The following RYR2 variants were observed in gnomAD, a reference collection of about 807,000 sequenced individuals.
RYR2 encodes cardiac muscle ryanodine receptor-calcium release channel.
RYR2 carries 227 observed loss-of-function variants against 601.1 expected under a neutral mutation model. That is an observed-to-expected ratio of 0.38 (90% CI 0.34 to 0.42). The LOEUF (loss-of-function observed/expected upper bound fraction) is 0.42, where lower values mean the gene tolerates loss of function less well. Ranked by LOEUF, RYR2 falls within the 10% of genes least tolerant of loss-of-function variation. The probability of loss-of-function intolerance (pLI) is 1.00; values close to 1 mark genes in which losing one functional copy is unlikely to be tolerated. For synonymous variants in RYR2, 2,223 were observed against 2,175.1 expected (o/e 1.02, Z -0.61); for missense variants, 4,646 against 6,156.5 (o/e 0.75, Z 8.21).
Position 237,778,397 on chromosome 1 carries a change from C to CAA in RYR2, c.11776-258_11776-257dup, listed in dbSNP as rs5781993. Among the ~76,000 whole-genome samples the CAA allele has an allele frequency of 0.14, 20,794 of 145,712 alleles. 1,723 individuals are homozygous for CAA. The highest frequency in any genetic ancestry group is 0.23 in the African/African-American group (8,984 of 39,784). On this transcript the variant is annotated intron_variant, in intron 87 of 104. Coordinates refer to ENST00000366574, the MANE Select transcript of RYR2 (RefSeq NM_001035.3). The stretch of plus-strand genomic sequence containing the variant: ...TAAATAGAGGAGATCAAAGCCAGAC[C>CAA]AAAAAAAAAAAATGATTCACAGAAT...
At chr1:237,797,615 G>A (rs1659412437) in intron 96 of RYR2, among the ~76,000 whole-genome samples, 1 of 152,208 alleles carries the variant, frequency 6.6e-6, no homozygotes. Context: ...ATTACATGAA[G>A]TTTTCTAAGG....
chr1:237,239,768 T>G (rs1324238819), intron 1 of RYR2, among the ~76,000 whole-genome samples: 2 of 152,234 alleles, frequency 1.3e-5, no homozygotes, highest in Non-Finnish European at 2.9e-5. Flanking sequence ...TGTATCACTT[T>G]GATTATCATA....
chr1:237,540,026 G>A lies in RYR2; in HGVS notation c.2907-8405G>A, dbSNP rs569698830. Reference sequence around the variant, plus strand: ...CGTTGTAGTTTTTTTCTTTCCTCCTGTGCCTCTTTTTCTCCTTCCTCTCAA... The same window carrying A: ...CGTTGTAGTTTTTTTCTTTCCTCCTATGCCTCTTTTTCTCCTTCCTCTCAA... On this transcript the variant is annotated intron_variant, in intron 25 of 104. Coordinates refer to ENST00000366574, the MANE Select transcript of RYR2 (RefSeq NM_001035.3). 2.0e-4 allele frequency among the ~76,000 whole-genome samples: 30 copies of A among 150,538 alleles called. 1 individual carries two copies. Among genetic ancestry groups the A allele is most frequent in the African/African-American group, 6.8e-4 (28 of 41,154 alleles).
At chr1:237,755,454 T>C (rs1692871358) in intron 80 of RYR2, among the ~76,000 whole-genome samples, 1 of 152,228 alleles carries the variant, frequency 6.6e-6, no homozygotes, top group African/African-American at 2.4e-5. Context: ...CGCCATTTGA[T>C]GGACTCACTG....
intron 58 of RYR2, among the ~76,000 whole-genome samples, chr1:237,669,106 T>C (rs937712987): frequency 4.8e-5 from 7 of 146,080 alleles, no homozygotes; most frequent in Non-Finnish European, 9.2e-5. Context: ...TTCAAGCATC[T>C]GTTTAACAAA....
intron 27 of RYR2, among the ~76,000 whole-genome samples, chr1:237,563,398 C>G (rs1277686074): frequency 1.0e-5 from 1 of 98,178 alleles, no homozygotes; most frequent in Non-Finnish European, 2.1e-5. Context: ...GCAACAAGAG[C>G]AAAACTCCAT....
intron 9 of RYR2, among the ~76,000 whole-genome samples, chr1:237,387,810 G>C (rs1702061935): frequency 6.6e-6 from 1 of 152,162 alleles, no homozygotes; most frequent in Admixed American, 6.5e-5. Context: ...ACTTACATAG[G>C]TTCACATTTG....
chr1:237,810,121 G>A (rs1185181669), intron 100 of RYR2, among the ~76,000 whole-genome samples: 1 of 151,926 alleles, frequency 6.6e-6, no homozygotes, highest in African/African-American at 2.4e-5. Flanking sequence ...AACGGTCTGA[G>A]TATGACATAA....
At chr1:237,182,247 G>A (rs1678853300) in intron 1 of RYR2, among the ~76,000 whole-genome samples, 1 of 152,010 alleles carries the variant, frequency 6.6e-6, no homozygotes, top group Admixed American at 6.6e-5. Flanking sequence ...TCAGCCTCCT[G>A]AGTAGCTGGG....
At chr1:237,319,920 C>T (rs1340351366) in intron 2 of RYR2, among the ~76,000 whole-genome samples, 1 of 152,168 alleles carries the variant, frequency 6.6e-6, no homozygotes, top group East Asian at 1.9e-4. Flanking sequence ...GTGTGCATGG[C>T]ATCTGCTCCA....
intron 24 of RYR2, among the ~76,000 whole-genome samples, chr1:237,516,127 G>C (rs1333422802): frequency 1.3e-5 from 2 of 150,844 alleles, no homozygotes; most frequent in African/African-American, 4.9e-5. Flanking sequence ...TTATTTGTTT[G>C]TTTGAAGGAG....
At chr1:237,505,458 C>T (rs186928284) in intron 22 of RYR2, among the ~76,000 whole-genome samples, 2 of 152,296 alleles carry the variant, frequency 1.3e-5, no homozygotes, top group South Asian at 2.1e-4. Flanking sequence ...ATTTTTAGCT[C>T]CTCAAATCGT....
At chr1:237,276,341 C>T (rs541041664) in intron 2 of RYR2, among the ~76,000 whole-genome samples, 108 of 152,280 alleles carry the variant, frequency 7.1e-4, no homozygotes, top group Admixed American at 1.2e-3. Flanking sequence ...CTCAGGTGGT[C>T]TGCCTGCTTT....
intron 1 of RYR2, among the ~76,000 whole-genome samples, chr1:237,126,192 A>G (rs1416623506): frequency 3.3e-5 from 5 of 151,502 alleles, no homozygotes; most frequent in Admixed American, 3.3e-4. Flanking sequence ...AGCCGAGATC[A>G]TGCCACTGTA....
chr1:237,623,927 C>A, intron 39 of RYR2, 57 bp downstream of exon 39: 1 of 1,155,066 alleles, frequency 8.7e-7, no homozygotes, highest in Non-Finnish European at 1.3e-6. Context: ...TCCATATATC[C>A]TGAGACGAAA....
At chr1:237,792,384 T>TGTGTGTGC (rs1658531080) in intron 94 of RYR2, 61 bp downstream of exon 94, 2 of 617,876 alleles carry the variant, frequency 3.2e-6, no homozygotes, top group African/African-American at 3.1e-5. Flanking sequence ...TGTGTGTGCG[T>TGTGTGTGC]GTGTGTGTGT....
chr1:237,606,363 A>G (rs1197565562), intron 35 of RYR2, among the ~76,000 whole-genome samples: 1 of 152,196 alleles, frequency 6.6e-6, no homozygotes, highest in South Asian at 2.1e-4. Flanking sequence ...CTGGCTAGCC[A>G]TATGTAGAAA....
At chr1:237,434,618 C>T (rs1256820658) in intron 12 of RYR2, among the ~76,000 whole-genome samples, 1 of 152,078 alleles carries the variant, frequency 6.6e-6, no homozygotes, top group East Asian at 1.9e-4. Flanking sequence ...AATTTTTTAG[C>T]TTAAAATGCC....
At position 237,833,408 on chromosome 1, in the gene RYR2, G is replaced by A. The variant is rs1034404143; in HGVS notation, c.*761G>A. The A allele has an allele frequency of 7.1e-5, 9 of 126,080 alleles. No individual in the cohort carries two copies. In the Admixed American group the frequency reaches 1.0e-3, roughly 14 times the overall value. The allele number at this position is 126,080 out of a possible 1,614,324, so 7.8% of individuals were successfully genotyped here. A position where few individuals can be genotyped will look rare whatever the true frequency, so the allele number is the denominator to read the frequency against. On this transcript the variant is annotated 3_prime_UTR_variant, in exon 105 of 105. Coordinates refer to ENST00000366574, the MANE Select transcript of RYR2 (RefSeq NM_001035.3). The stretch of plus-strand genomic sequence containing the variant: ...CCTGCTATTATTTTGGTAATGCTCT[G>A]ATGCAACATTGCAACTTTATGAAAT...
Sources: allele counts gnomAD v4.1 joint callset (sites outside exome capture counted in the v4.1 genomes callset), GRCh38; gene constraint gnomAD v4.1.1; transcripts MANE v1.5; gene names NCBI Gene and HGNC (gene_info 2026-07-23, HGNC 2026-07-21).